C10orf105: variants seen among roughly 807,000 people sequenced by gnomAD.
The protein encoded by C10orf105 is chromosome 10 open reading frame 105.
A neutral mutation model predicts 0.6 loss-of-function variants in C10orf105; 2 were observed. The observed-to-expected ratio is 3.18, with a 90% CI of 1.30 to 10.01. The LOEUF (loss-of-function observed/expected upper bound fraction) is 10.01, where lower values mean the gene tolerates loss of function less well. Among genes scored for constraint, C10orf105 ranks in the 30% most tolerant of loss-of-function variants. The pLI is 0.04. For missense variants in C10orf105, 209 were observed against 191.4 expected, an observed-to-expected ratio of 1.09 and a Z score of -0.54; for synonymous variants, 95 against 82.4, an observed-to-expected ratio of 1.15 and a Z score of -0.83.
At chr10:71,720,773 T>A (rs1340182334), upstream of C10orf105, among the ~76,000 whole-genome samples, 1 of 152,162 alleles carries the variant, frequency 6.6e-6, no homozygotes, top group Non-Finnish European at 1.5e-5. Context: ...ATCTAACTCC[T>A]CTTCTGAGAG....
At chr10:71,729,067 T>C (rs1409150991) in intron 1 of C10orf105, among the ~76,000 whole-genome samples, 3 of 152,122 alleles carry the variant, frequency 2.0e-5, no homozygotes, top group African/African-American at 4.8e-5. Flanking sequence ...ATGCCTGGGC[T>C]CAAGAGATCC....
At chr10:71,734,729 C>T (rs1839507523) in intron 1 of C10orf105, 2 of 1,032,120 alleles carry the variant, frequency 1.9e-6, no homozygotes, top group Non-Finnish European at 2.8e-6. Context: ...CTCTGCCTGG[C>T]CCTGGACCTT....
Position 71,712,902 on chromosome 10 carries a change from G to A in C10orf105, c.*3034C>T. On this transcript the variant is annotated 3_prime_UTR_variant, in exon 2 of 2. Coordinates refer to ENST00000441508, the MANE Select transcript of C10orf105 (RefSeq NM_001164375.3). ...TGAGGGCACATGCTCAGTGGCACCA[G>A]AGGCGGAAGCAGGTGGGGGCCCAGG... is the stretch of plus-strand genomic sequence containing the variant. 1 of 1,492,420 alleles carries A rather than the reference G, an allele frequency of 6.7e-7. No homozygotes were observed. The highest frequency in any genetic ancestry group is 9.2e-7 in the Non-Finnish European group (1 of 1,091,116). The allele number at this position is 1,492,420 out of a possible 1,614,324, so 92.4% of individuals were successfully genotyped here.
At position 71,716,342 on chromosome 10, in the gene C10orf105, C is replaced by T; in HGVS notation, c.-5G>A. 6.8e-7 allele frequency: 1 copy of T among 1,465,106 alleles called. No individual in the cohort carries two copies. The highest frequency in any genetic ancestry group is 9.1e-7 in the Non-Finnish European group (1 of 1,103,978). 90.8% of individuals were successfully genotyped at this position (1,465,106 alleles called of 1,614,324 possible). A position where few individuals can be genotyped will look rare whatever the true frequency, so the allele number is the denominator to read the frequency against. ...GCTGGGGCCCTCTGTGCTCATGGCT[C>T]CTGCAACAGCAACAAGACAGAAGCT... is the stretch of plus-strand genomic sequence containing the variant. On this transcript the variant is annotated splice_region_variant and 5_prime_UTR_variant, in exon 2 of 2. Transcript: ENST00000441508.
intron 1 of C10orf105, chr10:71,730,372 A>G (rs1839329821): frequency 6.8e-7 from 1 of 1,475,928 alleles, no homozygotes; most frequent in African/African-American, 1.4e-5. Flanking sequence ...AGGCCCAGGA[A>G]AGCAGTGACC....
At chr10:71,729,840 A>T (rs926145630) in intron 1 of C10orf105, among the ~76,000 whole-genome samples, 5 of 147,072 alleles carry the variant, frequency 3.4e-5, no homozygotes, top group Non-Finnish European at 6.0e-5. Flanking sequence ...ATTATTATTA[A>T]TTTTTTTTTT....
intron 1 of C10orf105, among the ~76,000 whole-genome samples, chr10:71,730,923 G>A (rs758744555): frequency 6.6e-6 from 1 of 152,246 alleles, no homozygotes; most frequent in Non-Finnish European, 1.5e-5. Context: ...AGAGCTGGGA[G>A]GGGTAAAGAG....
chr10:71,735,718 G>T (rs1348304879), intron 1 of C10orf105, among the ~76,000 whole-genome samples: 1 of 152,222 alleles, frequency 6.6e-6, no homozygotes, highest in African/African-American at 2.4e-5. Context: ...TGGCCCCAAG[G>T]CTCCCTGGAG....
chr10:71,714,185 G>A lies in C10orf105; in HGVS notation c.*1751C>T, dbSNP rs939307734. ...GATTGACTTGGAAGGAAGGGACAGTGGGCTTCTCCAATAGAGCCTGCTTGG... is the reference window on the plus strand; with the variant it reads ...GATTGACTTGGAAGGAAGGGACAGTAGGCTTCTCCAATAGAGCCTGCTTGG... On this transcript the variant is annotated 3_prime_UTR_variant, in exon 2 of 2. Coordinates refer to ENST00000441508, the MANE Select transcript of C10orf105 (RefSeq NM_001164375.3). 1 of 152,088 alleles carries A rather than the reference G, an allele frequency of 6.6e-6. No homozygotes were observed. The highest frequency in any genetic ancestry group is 1.5e-5 in the Non-Finnish European group (1 of 68,024). 9.4% of individuals were successfully genotyped at this position (152,088 alleles called of 1,614,324 possible).
upstream of C10orf105, among the ~76,000 whole-genome samples, chr10:71,723,406 T>TCC (rs200445963): frequency 1.3e-5 from 2 of 150,794 alleles, no homozygotes; most frequent in African/African-American, 2.4e-5. Flanking sequence ...GACAACAACG[T>TCC]CCCCCCCCAC....
At chr10:71,733,115 T>C (rs964678878) in intron 1 of C10orf105, among the ~76,000 whole-genome samples, 5 of 152,230 alleles carry the variant, frequency 3.3e-5, no homozygotes, top group East Asian at 1.9e-4. Context: ...ACAAGTTCGA[T>C]GAATTTGCTA....
Position 71,712,565 on chromosome 10 carries a change from G to C in C10orf105, c.*3371C>G, listed in dbSNP as rs1866017528. On this transcript the variant is annotated 3_prime_UTR_variant, in exon 2 of 2. Transcript: ENST00000441508. ...AGGCTAGGGCAGATGGGGCGGAACA[G>C]GGCACCTCTCTGGCCGGTGCCCGGG... is the stretch of plus-strand genomic sequence containing the variant. The C allele has an allele frequency of 7.1e-7, 1 of 1,403,748 alleles. No homozygotes were observed. Among genetic ancestry groups the C allele is most frequent in the African/African-American group, 1.4e-5 (1 of 70,698 alleles). 87.0% of individuals were successfully genotyped at this position (1,403,748 alleles called of 1,614,324 possible).
chr10:71,724,776 T>C (rs545115998), upstream of C10orf105, among the ~76,000 whole-genome samples: 5 of 152,200 alleles, frequency 3.3e-5, no homozygotes, highest in Admixed American at 6.5e-5. Flanking sequence ...CCAATCGCTA[T>C]GGCCAGAGAA....
In C10orf105 at chr10:71,715,925, T is replaced by G; in HGVS notation, c.*11A>C. ...CTAGGGGGATGTGGGGGCATGTTTGTGGACACCCCATTACATCTTGGTAGA... is the reference window on the plus strand; with the variant it reads ...CTAGGGGGATGTGGGGGCATGTTTGGGGACACCCCATTACATCTTGGTAGA... On this transcript the variant is annotated 3_prime_UTR_variant, in exon 2 of 2. Coordinates refer to ENST00000441508, the MANE Select transcript of C10orf105 (RefSeq NM_001164375.3). The G allele has an allele frequency of 2.1e-6, 3 of 1,450,158 alleles. No homozygotes were observed. In the South Asian group the frequency reaches 4.4e-5, roughly 21 times the overall value. The allele number at this position is 1,450,158 out of a possible 1,614,324, so 89.8% of individuals were successfully genotyped here. A position where few individuals can be genotyped will look rare whatever the true frequency, so the allele number is the denominator to read the frequency against.
Position 71,715,808 on chromosome 10 carries a change from G to T in C10orf105, c.*128C>A. On this transcript the variant is annotated 3_prime_UTR_variant, in exon 2 of 2. Transcript: ENST00000441508. Reference sequence around the variant, plus strand: ...CTGGCCTGGGCATGCAAGGAGCTTCGGGGGGTGAGTGTGTGTCCCAGACTG... The same window carrying T: ...CTGGCCTGGGCATGCAAGGAGCTTCTGGGGGTGAGTGTGTGTCCCAGACTG... 1.1e-6 allele frequency: 1 copy of T among 898,176 alleles called. No homozygotes were observed. Among genetic ancestry groups the T allele is most frequent in the Non-Finnish European group, 1.6e-6 (1 of 629,954 alleles). 55.6% of individuals were successfully genotyped at this position (898,176 alleles called of 1,614,324 possible). A position where few individuals can be genotyped will look rare whatever the true frequency, so the allele number is the denominator to read the frequency against.
chr10:71,724,202 G>A (rs2132800554), upstream of C10orf105: 2 of 1,319,846 alleles, frequency 1.5e-6, no homozygotes, highest in Non-Finnish European at 2.1e-6. Context: ...GAGGCCAAGA[G>A]AACCCCCAGG....
Position 71,716,301 on chromosome 10 carries a change from C to A in C10orf105, c.37G>T (p.Ala13Ser). ...TEGPSLASSP[A>S]ISPLAFLSAP... ...GAGAGAAAGGCGAGGGGGCTGATGG[C>A]TGGGGAGCTGGCGAGGCTGGGGCCC... The change falls in exon 2 of 2, where the codon GCC becomes TCC. Residue 13 changes from alanine (A) to serine (S), a missense_variant. Physicochemically the swap from Ala to Ser is moderately conservative, Grantham distance 99. Coordinates refer to ENST00000441508, the MANE Select transcript of C10orf105 (RefSeq NM_001164375.3). The A allele has an allele frequency of 6.6e-7, 1 of 1,510,504 alleles. No homozygotes were observed. The highest frequency in any genetic ancestry group is 8.9e-7 in the Non-Finnish European group (1 of 1,124,218). 93.6% of individuals were successfully genotyped at this position (1,510,504 alleles called of 1,614,324 possible).
In C10orf105 at chr10:71,712,135, C is replaced by G. The variant is rs990191619; in HGVS notation, c.*3801G>C. The G allele has an allele frequency of 7.1e-5, 11 of 154,736 alleles. No homozygotes were observed. The highest frequency in any genetic ancestry group is 2.4e-4 in the African/African-American group (10 of 41,446). The allele number at this position is 154,736 out of a possible 1,614,324, so 9.6% of individuals were successfully genotyped here. ...GTGGCAGCATAACTCCAGCCTCTGC[C>G]TCCATCTGCATGTGGCCTCCTCCTC... On this transcript the variant is annotated 3_prime_UTR_variant, in exon 2 of 2. Transcript: ENST00000441508.
Position 71,712,952 on chromosome 10 carries a change from C to A in C10orf105, c.*2984G>T. 1.9e-6 allele frequency: 2 copies of A among 1,054,362 alleles called. No homozygotes were observed. Among genetic ancestry groups the A allele is most frequent in the Admixed American group, 2.1e-5 (1 of 48,500 alleles). 65.3% of individuals were successfully genotyped at this position (1,054,362 alleles called of 1,614,324 possible). On this transcript the variant is annotated 3_prime_UTR_variant, in exon 2 of 2. Coordinates refer to ENST00000441508, the MANE Select transcript of C10orf105 (RefSeq NM_001164375.3). Reference sequence around the variant, plus strand: ...GGTGGGTCCGCTGCTCTGGAAGGTGCTGTGGGGAAAGGGGGACCCAGGCCC... The same window carrying A: ...GGTGGGTCCGCTGCTCTGGAAGGTGATGTGGGGAAAGGGGGACCCAGGCCC...
Sources: gnomAD v4.1 joint callset for allele counts (sites outside exome capture counted in the v4.1 genomes callset) on GRCh38, gnomAD v4.1.1 for gene constraint, MANE v1.5 for transcripts, NCBI Gene and HGNC (gene_info 2026-07-23, HGNC 2026-07-21) for gene names.